The following FUT9 variants were observed in gnomAD, a reference collection of about 807,000 sequenced individuals.
The protein encoded by FUT9 is 4-galactosyl-N-acetylglucosaminide 3-alpha-L-fucosyltransferase 9.
FUT9 carries 15 observed loss-of-function variants against 29.7 expected under a neutral mutation model. The observed-to-expected ratio is 0.51, with a 90% confidence interval of 0.34 to 0.78. The LOEUF is 0.78. Among genes scored for constraint, FUT9 ranks in the 30% least tolerant of loss-of-function variants. The probability of loss-of-function intolerance (pLI) is 0.01; values close to 1 mark genes in which losing one functional copy is unlikely to be tolerated. For missense variants in FUT9, 319 were observed against 425.4 expected (o/e 0.75, Z 2.20); for synonymous variants, 169 against 153.7 (o/e 1.10, Z -0.74).
intron 2 of FUT9, among the ~76,000 whole-genome samples, chr6:96,125,626 A>G (rs1332894639): frequency 4.6e-5 from 7 of 152,154 alleles, no homozygotes; most frequent in Admixed American, 3.3e-4. Flanking sequence ...TGGGTCAAGG[A>G]TACATAGGTA....
chr6:96,020,511 T>G (rs1413409904), intron 1 of FUT9, among the ~76,000 whole-genome samples: 1 of 152,108 alleles, frequency 6.6e-6, no homozygotes, highest in East Asian at 1.9e-4. Flanking sequence ...ATGAAAATCC[T>G]GGCACTTTTA....
intron 2 of FUT9, among the ~76,000 whole-genome samples, chr6:96,176,016 T>G (rs565546830): frequency 6.6e-6 from 1 of 152,218 alleles, no homozygotes; most frequent in African/African-American, 2.4e-5. Context: ...TCTCTCTCTC[T>G]CCCTTCTGGA....
intron 1 of FUT9, among the ~76,000 whole-genome samples, chr6:96,083,046 C>T (rs1477507940): frequency 6.6e-6 from 1 of 151,842 alleles, no homozygotes; most frequent in Non-Finnish European, 1.5e-5. Context: ...CTTTTGTCTC[C>T]CTATAGTCCA....
chr6:96,203,762 G>A lies in FUT9; in HGVS notation c.607G>A (p.Val203Ile), dbSNP rs759746109. 2 of 1,614,050 alleles carry A rather than the reference G, an allele frequency of 1.2e-6. No individual in the cohort carries two copies. Among genetic ancestry groups the A allele is most frequent in the Non-Finnish European group, 1.7e-6 (2 of 1,180,000 alleles). ...TAACTGGAACCCTGAGCATGCCAGA[G>A]TCAAGTATTACAATGAGCTAAGCAA... is the stretch of plus-strand genomic sequence containing the variant. ...VSNWNPEHAR[V>I]KYYNELSKSI... Residue 203 changes from valine to isoleucine, a missense_variant, in exon 3 of 3, where the codon GTC (valine) becomes ATC (isoleucine). Val to Ile is a conservative substitution (Grantham distance 29, BLOSUM62 3). Coordinates refer to ENST00000302103, the MANE Select transcript of FUT9 (RefSeq NM_006581.4).
At chr6:96,092,183 C>T (rs1771422454) in intron 1 of FUT9, among the ~76,000 whole-genome samples, 1 of 151,914 alleles carries the variant, frequency 6.6e-6, no homozygotes, top group South Asian at 2.1e-4. Context: ...ACGAAAATTT[C>T]CAGAATATTT....
intron 2 of FUT9, among the ~76,000 whole-genome samples, chr6:96,125,454 TAAC>T (rs1370069767): frequency 3.3e-5 from 5 of 152,230 alleles, no homozygotes; most frequent in Admixed American, 3.3e-4. Flanking sequence ...ATCATTATAA[TAAC>T]AATAACTGTT....
chr6:96,088,862 C>T (rs1771366027), intron 1 of FUT9, among the ~76,000 whole-genome samples: 1 of 151,950 alleles, frequency 6.6e-6, no homozygotes, highest in African/African-American at 2.4e-5. Flanking sequence ...GTGAATTTTA[C>T]CTTGATGGAT....
intron 2 of FUT9, among the ~76,000 whole-genome samples, chr6:96,120,522 A>G (rs1313229822): frequency 7.0e-6 from 1 of 142,970 alleles, no homozygotes; most frequent in Non-Finnish European, 1.5e-5. Flanking sequence ...TGACCTCGTG[A>G]TCCGCCCGCC....
intron 2 of FUT9, among the ~76,000 whole-genome samples, chr6:96,144,248 C>A (rs992466503): frequency 6.6e-6 from 1 of 151,928 alleles, no homozygotes; most frequent in Non-Finnish European, 1.5e-5. Flanking sequence ...ATTAGTTGAA[C>A]GAATGATGGT....
chr6:96,203,323 CA>C lies in FUT9; in HGVS notation c.172del (p.Thr58LeufsTer50). ...TGAAAATGAAAAACTTCTTTTCCACCAAAACTGATTATTTTAATGAAACTAC... is the reference window on the plus strand; with the variant it reads ...TGAAAATGAAAAACTTCTTTTCCACCAAACTGATTATTTTAATGAAACTAC... ...VLKMKNFFST[K>X]TDYFNETTIL... is the part of the protein sequence containing the mutation. On this transcript the variant is annotated frameshift_variant, in exon 3 of 3. Transcript: ENST00000302103. LOFTEE classifies it high-confidence loss of function. 1 of 1,613,718 alleles carries C rather than the reference CA, an allele frequency of 6.2e-7. No individual in the cohort carries two copies. The highest frequency in any genetic ancestry group is 8.5e-7 in the Non-Finnish European group (1 of 1,179,810).
intron 1 of FUT9, among the ~76,000 whole-genome samples, chr6:96,090,298 G>T (rs199714164): frequency 0.069 from 10,507 of 151,836 alleles, 453 homozygotes; most frequent in South Asian, 0.12. Context: ...AAAGTCAATT[G>T]TTTATGAATT....
intron 1 of FUT9, among the ~76,000 whole-genome samples, chr6:96,055,039 T>C (rs1174692887): frequency 6.6e-6 from 1 of 152,194 alleles, no homozygotes; most frequent in East Asian, 1.9e-4. Context: ...TACATTGTTT[T>C]ATTGGTTATA....
intron 1 of FUT9, among the ~76,000 whole-genome samples, chr6:96,086,729 T>C (rs1432060370): frequency 8.5e-5 from 13 of 152,196 alleles, no homozygotes; most frequent in African/African-American, 3.1e-4. Context: ...GTTCTTGCCT[T>C]TGTGTGTAAT....
chr6:96,186,295 C>T (rs879901881), intron 2 of FUT9, among the ~76,000 whole-genome samples: 8 of 152,178 alleles, frequency 5.3e-5, no homozygotes, highest in Non-Finnish European at 1.0e-4. Flanking sequence ...CACAGTGATA[C>T]ATTTTTATTT....
intron 2 of FUT9, among the ~76,000 whole-genome samples, chr6:96,135,763 T>C (rs11968648): frequency 0.17 from 26,006 of 151,784 alleles, 2,378 homozygotes; most frequent in Non-Finnish European, 0.2. Flanking sequence ...ACAAATACTG[T>C]ATTGTGTACT....
intron 2 of FUT9, among the ~76,000 whole-genome samples, chr6:96,116,291 A>T (rs1771910316): frequency 6.6e-6 from 1 of 152,210 alleles, no homozygotes; most frequent in Admixed American, 6.5e-5. Context: ...ATTCATAAGC[A>T]TGCAGAGCCA....
chr6:96,166,997 T>C (rs4617001), intron 2 of FUT9, among the ~76,000 whole-genome samples: 138,616 of 152,158 alleles, frequency 0.91, 64,532 homozygotes, highest in Non-Finnish European at 1. Flanking sequence ...CTCAATCCAC[T>C]GTCAGTTGAA....
intron 2 of FUT9, among the ~76,000 whole-genome samples, chr6:96,125,324 T>C (rs1206062055): frequency 1.3e-5 from 2 of 152,206 alleles, no homozygotes; most frequent in Admixed American, 6.5e-5. Context: ...TTTGTCGTCT[T>C]ATGAGGCAAG....
At chr6:96,070,681 C>A (rs1771044284) in intron 1 of FUT9, among the ~76,000 whole-genome samples, 1 of 151,588 alleles carries the variant, frequency 6.6e-6, no homozygotes, top group Non-Finnish European at 1.5e-5. Context: ...AGGAAAACCC[C>A]ATCTCAAAAA....
Sources: allele counts gnomAD v4.1 joint callset (sites outside exome capture counted in the v4.1 genomes callset), GRCh38; gene constraint gnomAD v4.1.1; transcripts MANE v1.5; gene names NCBI Gene and HGNC (gene_info 2026-07-23, HGNC 2026-07-21).